The following KRT75 variants were observed in gnomAD, a reference collection of about 807,000 sequenced individuals.
The protein encoded by KRT75 is keratin, type II cytoskeletal 75.
A neutral mutation model predicts 48.8 loss-of-function variants in KRT75; 35 were observed. The ratio of observed to expected loss-of-function variants is 0.72; its 90% confidence interval spans 0.55 to 0.95. The LOEUF (loss-of-function observed/expected upper bound fraction) is 0.95. KRT75 is among the 40% of genes least tolerant of loss of function. KRT75 has a pLI of 0.00. For missense variants in KRT75, 776 were observed against 709.9 expected, an observed-to-expected ratio of 1.09 and a Z score of -1.06; for synonymous variants, 301 against 282.3, an observed-to-expected ratio of 1.07 and a Z score of -0.66.
rs1940130943 is a variant in KRT75 at position 52,430,588 on chromosome 12, T to A, written c.988A>T (p.Ile330Phe). Residue 330 changes from isoleucine (I) to phenylalanine (F), a missense_variant, in exon 5 of 9, where the codon ATT (isoleucine) becomes TTT (phenylalanine). Coordinates refer to ENST00000252245, the MANE Select transcript of KRT75 (RefSeq NM_004693.3). ...GCCTCGGCCCGGCTGCGGTTGGCAA[T>A]GTCCTCGTATTGTGCTTTGACCTCG... ...IAEVKAQYED[I>F]ANRSRAEAES... 1 of 1,614,050 alleles carries A rather than the reference T, an allele frequency of 6.2e-7. No individual in the cohort carries two copies. Among genetic ancestry groups the A allele is most frequent in the Non-Finnish European group, 8.5e-7 (1 of 1,180,042 alleles).
chr12:52,424,632 G>T lies in KRT75; in HGVS notation c.1541C>A (p.Ala514Glu), dbSNP rs758728157. Residue 514 changes from alanine to glutamate, a missense_variant, in exon 9 of 9, where the codon GCA becomes GAA. Ala to Glu is a moderately radical substitution (Grantham distance 107, BLOSUM62 -1). Coordinates refer to ENST00000252245, the MANE Select transcript of KRT75 (RefSeq NM_004693.3). ...ACTGAATCCAGAACCTCCCAGGCCT[G>T]CACCCAGGCTATGCCCACCACTGGT... ...FTTSGGHSLGAGLGGSGFSAT... is the reference protein window; with the variant it reads ...FTTSGGHSLGEGLGGSGFSAT... The T allele has an allele frequency of 2.5e-6, 4 of 1,614,164 alleles. No homozygotes were observed. The South Asian group carries it at 4.4e-5, about 18-fold the overall frequency.
At chr12:52,428,185 C>A in intron 7 of KRT75, 71 bp downstream of exon 7, 1 of 1,582,082 alleles carries the variant, frequency 6.3e-7, no homozygotes, top group Non-Finnish European at 8.7e-7. Flanking sequence ...CAGCCCGAGC[C>A]CCTAGGAATG....
In KRT75 at chr12:52,434,075, C is replaced by T; in HGVS notation, c.230G>A (p.Gly77Asp). ...ACCAAAGCCACTTCGGCAGCTGCTG[C>T]CACACCCATTGATGGAGACCCGCTT... ...GAKRVSINGC[G>D]SSCRSGFGGR... Residue 77 changes from glycine to aspartate, a missense_variant, in exon 1 of 9, where the codon GGC (glycine) becomes GAC (aspartate). Physicochemically the swap from Gly to Asp is moderately conservative, Grantham distance 94. Transcript: ENST00000252245. The T allele has an allele frequency of 1.2e-6, 2 of 1,614,198 alleles. No individual in the cohort carries two copies. Among genetic ancestry groups the T allele is most frequent in the Non-Finnish European group, 1.7e-6 (2 of 1,180,040 alleles).
Position 52,428,478 on chromosome 12 carries a change from T to C in KRT75, c.1162-2A>G. The C allele has an allele frequency of 6.2e-7, 1 of 1,613,126 alleles. No individual in the cohort carries two copies. ...AATGGCCGTTTGCAAGCTGGAACAC[T>C]GTAAGGACAGGAGGAAGCCATGAGT... On this transcript the variant is annotated splice_acceptor_variant, in intron 6 of 8. Coordinates refer to ENST00000252245, the MANE Select transcript of KRT75 (RefSeq NM_004693.3). LOFTEE classifies it high-confidence loss of function.
rs756806468 is a variant in KRT75 at position 52,433,148 on chromosome 12, A to G, written c.603T>C (p.Asp201=). The G allele has an allele frequency of 6.2e-7, 1 of 1,613,406 alleles. No individual in the cohort carries two copies. The highest frequency in any genetic ancestry group is 8.5e-7 in the Non-Finnish European group (1 of 1,179,830). ...GCCGTCGGAGCTCACTGGTATAGGA[A>G]TCAAAGAGGGGCTCTAGGTTCTGCC... is the stretch of plus-strand genomic sequence containing the variant. ...TVRQNLEPLF[D]SYTSELRRQL... The change falls in exon 2 of 9, where the codon GAT becomes GAC. Residue 201 remains aspartate, a synonymous_variant. Transcript: ENST00000252245.
At position 52,434,174 on chromosome 12, in the gene KRT75, C is replaced by T; in HGVS notation, c.131G>A (p.Ser44Asn). Residue 44 changes from serine to asparagine, a missense_variant, in exon 1 of 9, where the codon AGT (serine) becomes AAT (asparagine). By Grantham distance (46) the Ser-to-Asn change is conservative. Coordinates refer to ENST00000252245, the MANE Select transcript of KRT75 (RefSeq NM_004693.3). ...SVSVARSAAG[S>N]GGLGRISSAG... ...ACTGCTGATCCTTCCCAGGCCCCCA[C>T]TCCCTGCTGCAGAGCGGGCCACAGA... 1 of 1,612,502 alleles carries T rather than the reference C, an allele frequency of 6.2e-7. No homozygotes were observed. The highest frequency in any genetic ancestry group is 8.5e-7 in the Non-Finnish European group (1 of 1,178,966).
At chr12:52,426,989 G>T in intron 7 of KRT75, 138 bp from the exon 8 acceptor site, 1 of 728,706 alleles carries the variant, frequency 1.4e-6, no homozygotes, top group East Asian at 2.7e-5. Flanking sequence ...AATGCAGGTT[G>T]AAATTATTTG....
At position 52,426,870 on chromosome 12, in the gene KRT75, G is replaced by A. The variant is rs778956094; in HGVS notation, c.1383-19C>T. 3 of 1,613,654 alleles carry A rather than the reference G, an allele frequency of 1.9e-6. No individual in the cohort carries two copies. The highest frequency in any genetic ancestry group is 2.5e-6 in the Non-Finnish European group (3 of 1,179,666). ...ACTCAACCTGATTGGGAAGAGCAGG[G>A]AGAAGGAAGGTTACCAATGTGGCCA... On this transcript the variant is annotated intron_variant, in intron 7 of 8. Transcript: ENST00000252245.
chr12:52,431,904 G>C, intron 3 of KRT75, 102 bp downstream of exon 3: 1 of 1,083,746 alleles, frequency 9.2e-7, no homozygotes, highest in Non-Finnish European at 1.4e-6. Flanking sequence ...TCTCAAGGTT[G>C]ATGTGACATT....
At chr12:52,431,194 C>CT (rs5798211) in intron 4 of KRT75, among the ~76,000 whole-genome samples, 84 of 146,632 alleles carry the variant, frequency 5.7e-4, no homozygotes, top group South Asian at 5.1e-3. Context: ...GACAGCTTGC[C>CT]TTTTTTTTTT....
chr12:52,431,795 T>C lies in KRT75; in HGVS notation c.775-157A>G, dbSNP rs141511879. ...TTGGGGATGGGTAATTACGGAGAAC[T>C]GGGGGCTTGAATTCCCTGAGCTCAC... On this transcript the variant is annotated intron_variant, in intron 3 of 8. Transcript: ENST00000252245. Among the ~76,000 whole-genome samples, 119 of 152,248 alleles carry C rather than the reference T, an allele frequency of 7.8e-4. 3 individuals are homozygous for C. In the East Asian group the frequency reaches 0.021, roughly 27 times the overall value.
rs1314482881 is a variant in KRT75 at position 52,433,659 on chromosome 12, G to A, written c.498+148C>T. On this transcript the variant is annotated intron_variant, in intron 1 of 8. Transcript: ENST00000252245. The stretch of plus-strand genomic sequence containing the variant: ...CCTGTGGGGCAAGCTGGCCTGACTT[G>A]GAAGGGTCTCAGCCCCTGGGAGCCC... 5 of 1,272,664 alleles carry A rather than the reference G, an allele frequency of 3.9e-6. No homozygotes were observed. In the African/African-American group the frequency reaches 7.4e-5, roughly 19 times the overall value. 78.8% of individuals were successfully genotyped at this position (1,272,664 alleles called of 1,614,324 possible).
chr12:52,427,798 A>G (rs1013341330), intron 7 of KRT75, among the ~76,000 whole-genome samples: 1 of 152,212 alleles, frequency 6.6e-6, no homozygotes, highest in African/African-American at 2.4e-5. Flanking sequence ...CAGAGCACAA[A>G]GCTCCCATGA....
Position 52,428,822 on chromosome 12 carries a change from G to T in KRT75, c.1036-79C>A. On this transcript the variant is annotated intron_variant, in intron 5 of 8. Transcript: ENST00000252245. ...TCGCTGTGCACACAGACCCACCCTG[G>T]GTGCCACAAGCAGGCTCATTCATTC... The T allele has an allele frequency of 1.9e-6, 3 of 1,570,998 alleles. No homozygotes were observed. The South Asian group carries it at 3.3e-5, about 17-fold the overall frequency.
rs754803065 is a variant in KRT75 at position 52,430,581 on chromosome 12, T to A, written c.995A>T (p.Asn332Ile). Residue 332 changes from asparagine (N) to isoleucine (I), a missense_variant, in exon 5 of 9, where the codon AAC becomes ATC. By Grantham distance (149) the Asn-to-Ile change is moderately radical. Coordinates refer to ENST00000252245, the MANE Select transcript of KRT75 (RefSeq NM_004693.3). ...EVKAQYEDIA[N>I]RSRAEAESWY... ...GGACTCAGCCTCGGCCCGGCTGCGG[T>A]TGGCAATGTCCTCGTATTGTGCTTT... is the stretch of plus-strand genomic sequence containing the variant. The A allele has an allele frequency of 3.1e-6, 5 of 1,614,130 alleles. No homozygotes were observed. The highest frequency in any genetic ancestry group is 2.2e-5 in the South Asian group (2 of 91,076).
At chr12:52,428,132 A>G (rs1433181025) in intron 7 of KRT75, 124 bp downstream of exon 7, 1 of 1,258,124 alleles carries the variant, frequency 7.9e-7, no homozygotes, top group Non-Finnish European at 1.1e-6. Flanking sequence ...GCCATAGCCC[A>G]ATTCTGAACT....
At chr12:52,431,446 T>C in intron 4 of KRT75, 97 bp downstream of exon 4, 1 of 959,630 alleles carries the variant, frequency 1.0e-6, no homozygotes, top group South Asian at 1.3e-5. Flanking sequence ...AGCAAGATGC[T>C]GGGCAGAGGC....
At chr12:52,426,899 G>T in intron 7 of KRT75, 48 bp from the exon 8 acceptor site, 2 of 1,536,298 alleles carry the variant, frequency 1.3e-6, no homozygotes, top group Non-Finnish European at 1.8e-6. Flanking sequence ...GTGGCCAGCA[G>T]CTTAAGGGCC....
chr12:52,429,375 A>C (rs568685619), intron 5 of KRT75, among the ~76,000 whole-genome samples: 2 of 152,204 alleles, frequency 1.3e-5, no homozygotes, highest in African/African-American at 2.4e-5. Context: ...ACTTTGTAAA[A>C]GTATTCCCAA....
Sources: gnomAD v4.1 joint callset for allele counts (sites outside exome capture counted in the v4.1 genomes callset) on GRCh38, gnomAD v4.1.1 for gene constraint, MANE v1.5 for transcripts, NCBI Gene and HGNC (gene_info 2026-07-23, HGNC 2026-07-21) for gene names.